FBH1: variants seen among roughly 807,000 people sequenced by gnomAD.
The protein encoded by FBH1 is F-box DNA helicase 1, also known as DNA 3'-5' helicase 1.
In FBH1, 43 loss-of-function variants were observed where a neutral mutation model predicts 115.5. The observed-to-expected ratio is 0.37, with a 90% CI of 0.29 to 0.48. The LOEUF is 0.48. Among genes scored for constraint, FBH1 ranks in the 20% least tolerant of loss-of-function variants. FBH1 has a pLI of 0.99. For synonymous variants in FBH1, 524 were observed against 507.8 expected (o/e 1.03, Z -0.43); for missense variants, 1,001 against 1,337.3 (o/e 0.75, Z 3.92).
intron 18 of FBH1, among the ~76,000 whole-genome samples, chr10:5,927,000 G>A (rs1832693683): frequency 6.6e-6 from 1 of 152,242 alleles, no homozygotes; most frequent in South Asian, 2.1e-4. Flanking sequence ...GACAGTGTAA[G>A]GAAATGGAAA....
chr10:5,894,128 C>T, intron 1 of FBH1: 1 of 985,400 alleles, frequency 1.0e-6, no homozygotes, highest in Non-Finnish European at 1.2e-6. Flanking sequence ...GAGAAGCAGG[C>T]TGTGGTAGCC....
chr10:5,927,672 C>T (rs1007381981), intron 19 of FBH1, 131 bp downstream of exon 19: 10 of 648,314 alleles, frequency 1.5e-5, no homozygotes, highest in Non-Finnish European at 2.4e-5. Flanking sequence ...GCTGCTTGAA[C>T]GTGCAAAGGC....
At chr10:5,899,296 T>C (rs1201321060) in intron 1 of FBH1, among the ~76,000 whole-genome samples, 1 of 152,146 alleles carries the variant, frequency 6.6e-6, no homozygotes, top group Non-Finnish European at 1.5e-5. Context: ...TGCTCCTTTG[T>C]GATTTTTTGT....
At chr10:5,920,253 G>A (rs1405999483) in intron 13 of FBH1, among the ~76,000 whole-genome samples, 2 of 152,248 alleles carry the variant, frequency 1.3e-5, no homozygotes, top group Admixed American at 1.3e-4. Flanking sequence ...CTGGGAGGAA[G>A]ACCACAGAGG....
chr10:5,910,139 G>C lies in FBH1; in HGVS notation c.1021-799G>C, dbSNP rs977407090. Among the ~76,000 whole-genome samples the C allele has an allele frequency of 6.6e-6, 1 of 152,032 alleles. No individual in the cohort carries two copies. Among genetic ancestry groups the C allele is most frequent in the African/African-American group, 2.4e-5 (1 of 41,378 alleles). On this transcript the variant is annotated intron_variant, in intron 5 of 20. Transcript: ENST00000362091. The surrounding 1 kb of genome is among the most constrained non-coding windows in gnomAD (Gnocchi z 4.8). ...TCTACCAAAAATACAAAAATTAGCC[G>C]AGCATGGTGGCATGTGCCTGTAGTA... is the stretch of plus-strand genomic sequence containing the variant.
intron 2 of FBH1, 67 bp downstream of exon 2, chr10:5,903,242 G>A (rs1371916258): frequency 4.7e-6 from 6 of 1,265,182 alleles, no homozygotes; most frequent in Non-Finnish European, 6.4e-6. Flanking sequence ...CTATCTCCTA[G>A]TTTAAAAGTA....
At position 5,932,682 on chromosome 10, in the gene FBH1, G is replaced by A. The variant is rs532252959; in HGVS notation, c.2830-3774G>A. On this transcript the variant is annotated intron_variant, in intron 19 of 20. Coordinates refer to ENST00000362091, the MANE Select transcript of FBH1 (RefSeq NM_178150.3). This position sits in a 1 kb window ranked among gnomAD's most constrained non-coding sequence, Gnocchi z 5.9. ...TGCATTTCTAGAAGTGGAATTGCTGGGTAAAGATAAATGCAAGTGTGACTT... is the reference window on the plus strand; with the variant it reads ...TGCATTTCTAGAAGTGGAATTGCTGAGTAAAGATAAATGCAAGTGTGACTT... 6.6e-6 allele frequency among the ~76,000 whole-genome samples: 1 copy of A among 152,224 alleles called. No homozygotes were observed. The highest frequency in any genetic ancestry group is 2.1e-4 in the South Asian group (1 of 4,818).
rs1403409717 is a variant in FBH1, at chr10:5,924,355, AAAG to A, written c.2447_2449del (p.Glu816del). 2 of 1,614,116 alleles carry A rather than the reference AAAG, an allele frequency of 1.2e-6. No individual in the cohort carries two copies. Among genetic ancestry groups the A allele is most frequent in the African/African-American group, 2.7e-5 (2 of 74,928 alleles). On this transcript the variant is annotated inframe_deletion, in exon 17 of 21. Coordinates refer to ENST00000362091, the MANE Select transcript of FBH1 (RefSeq NM_178150.3). This position sits in a 1 kb window ranked among gnomAD's most constrained non-coding sequence, Gnocchi z 6.2. ...CAAATTTATCAGAAGATGGGTGCAC[AAAG>A]AAGGCTTTAGTGGCTTCAAGAGGTA...
At position 5,925,231 on chromosome 10, in the gene FBH1, TC is replaced by T; in HGVS notation, c.2597-131del. 1 of 1,023,278 alleles carries T rather than the reference TC, an allele frequency of 9.8e-7. No homozygotes were observed. Among genetic ancestry groups the T allele is most frequent in the Admixed American group, 2.7e-5 (1 of 37,528 alleles). The allele number at this position is 1,023,278 out of a possible 1,614,324, so 63.4% of individuals were successfully genotyped here. On this transcript the variant is annotated intron_variant, in intron 17 of 20. Coordinates refer to ENST00000362091, the MANE Select transcript of FBH1 (RefSeq NM_178150.3). The surrounding 1 kb of genome is among the most constrained non-coding windows in gnomAD (Gnocchi z 4.6). ...CTGTTCCCGACAGTTGTTTCCTCTT[TC>T]CCCCTTTTCCTACAAAACTGCACTG...
At position 5,932,940 on chromosome 10, in the gene FBH1, T is replaced by C. The variant is rs1260035164; in HGVS notation, c.2830-3516T>C. 1.3e-5 allele frequency among the ~76,000 whole-genome samples: 2 copies of C among 152,048 alleles called. No homozygotes were observed. Among genetic ancestry groups the C allele is most frequent in the African/African-American group, 2.4e-5 (1 of 41,420 alleles). On this transcript the variant is annotated intron_variant, in intron 19 of 20. Transcript: ENST00000362091. The surrounding 1 kb of genome is among the most constrained non-coding windows in gnomAD (Gnocchi z 5.9). ...TCTGTTTCCCAGGCTGGTCTCAAAC[T>C]CATGAGCTCAAGTGATCTGCCCTGC...
In FBH1 at chr10:5,917,774, A is replaced by C. The variant is rs1166429382; in HGVS notation, c.1963+98A>C. 1 of 947,042 alleles carries C rather than the reference A, an allele frequency of 1.1e-6. No homozygotes were observed. The highest frequency in any genetic ancestry group is 1.6e-5 in the African/African-American group (1 of 61,252). The allele number at this position is 947,042 out of a possible 1,614,324, so 58.7% of individuals were successfully genotyped here. The stretch of plus-strand genomic sequence containing the variant: ...TGTGTGAACTAAGTTGATTATTATT[A>C]TTTGTGATAAAGAAGAGGATCTTCA... On this transcript the variant is annotated intron_variant, in intron 12 of 20. Transcript: ENST00000362091. This position sits in a 1 kb window ranked among gnomAD's most constrained non-coding sequence, Gnocchi z 5.6.
rs922778888 is a variant in FBH1 at position 5,923,103 on chromosome 10, G to C, written c.2323-518G>C. On this transcript the variant is annotated intron_variant, in intron 15 of 20. Coordinates refer to ENST00000362091, the MANE Select transcript of FBH1 (RefSeq NM_178150.3). The surrounding 1 kb of genome is among the most constrained non-coding windows in gnomAD (Gnocchi z 5.7). ...TCACCATGTTGGCCAGGCTGGTCTT[G>C]AACTCCTGGCCTCAAGTGATCCACC... is the stretch of plus-strand genomic sequence containing the variant. 6.6e-6 allele frequency among the ~76,000 whole-genome samples: 1 copy of C among 152,106 alleles called. No individual in the cohort carries two copies. Among genetic ancestry groups the C allele is most frequent in the Non-Finnish European group, 1.5e-5 (1 of 68,008 alleles).
Position 5,924,815 on chromosome 10 carries a change from C to T in FBH1, c.2596+307C>T. On this transcript the variant is annotated intron_variant, in intron 17 of 20. Coordinates refer to ENST00000362091, the MANE Select transcript of FBH1 (RefSeq NM_178150.3). This position sits in a 1 kb window ranked among gnomAD's most constrained non-coding sequence, Gnocchi z 6.2. Reference sequence around the variant, plus strand: ...TCCCAACCTCAGGTAATCTGCCCACCTCGACCTCCCAAAGTGCTAGAATTA... The same window carrying T: ...TCCCAACCTCAGGTAATCTGCCCACTTCGACCTCCCAAAGTGCTAGAATTA... 2.1e-6 allele frequency: 1 copy of T among 477,856 alleles called. No homozygotes were observed. The highest frequency in any genetic ancestry group is 1.6e-5 in the South Asian group (1 of 61,998). The allele number at this position is 477,856 out of a possible 1,614,324, so 29.6% of individuals were successfully genotyped here. A position where few individuals can be genotyped will look rare whatever the true frequency, so the allele number is the denominator to read the frequency against.
chr10:5,890,130 T>C (rs1842607992), upstream of FBH1: 1 of 324,606 alleles, frequency 3.1e-6, no homozygotes, highest in Non-Finnish European at 5.7e-6. Flanking sequence ...CCCTCCGGTC[T>C]CGCGTCCCGA....
rs1004665540 is a variant in FBH1 at position 5,913,005 on chromosome 10, G to A, written c.1212-742G>A. 2.0e-5 allele frequency among the ~76,000 whole-genome samples: 3 copies of A among 152,134 alleles called. No individual in the cohort carries two copies. The highest frequency in any genetic ancestry group is 2.9e-5 in the Non-Finnish European group (2 of 68,026). On this transcript the variant is annotated intron_variant, in intron 6 of 20. Coordinates refer to ENST00000362091, the MANE Select transcript of FBH1 (RefSeq NM_178150.3). The surrounding 1 kb of genome is among the most constrained non-coding windows in gnomAD (Gnocchi z 4.4). ...TTGGAGATGGGCTCTTTTCGCTCTG[G>A]GGATGGGGGGCAGTGCACTCGATTG...
chr10:5,908,177 A>G (rs917289723), intron 3 of FBH1, among the ~76,000 whole-genome samples: 2 of 152,036 alleles, frequency 1.3e-5, no homozygotes, highest in African/African-American at 4.8e-5. Context: ...GTTGTTTCCT[A>G]TATTTAGGAG....
At chr10:5,927,026 G>A (rs1177939879) in intron 18 of FBH1, among the ~76,000 whole-genome samples, 1 of 152,204 alleles carries the variant, frequency 6.6e-6, no homozygotes, top group African/African-American at 2.4e-5. Flanking sequence ...GAGCAGACTC[G>A]GTCCTGCTCC....
chr10:5,909,489 T>A lies in FBH1; in HGVS notation c.1020+195T>A. On this transcript the variant is annotated intron_variant, in intron 5 of 20. Coordinates refer to ENST00000362091, the MANE Select transcript of FBH1 (RefSeq NM_178150.3). This position sits in a 1 kb window ranked among gnomAD's most constrained non-coding sequence, Gnocchi z 4.4. Reference sequence around the variant, plus strand: ...GGCCATATAATTGTAGAGTCTTAGATGTAGATGAAATTTTAACAAATCATT... The same window carrying A: ...GGCCATATAATTGTAGAGTCTTAGAAGTAGATGAAATTTTAACAAATCATT... 1.8e-6 allele frequency: 1 copy of A among 565,482 alleles called. No homozygotes were observed. Among genetic ancestry groups the A allele is most frequent in the Non-Finnish European group, 2.9e-6 (1 of 344,244 alleles). 35.0% of individuals were successfully genotyped at this position (565,482 alleles called of 1,614,324 possible).
chr10:5,896,926 T>C (rs1005565543), intron 1 of FBH1, among the ~76,000 whole-genome samples: 2 of 152,170 alleles, frequency 1.3e-5, no homozygotes, highest in Non-Finnish European at 2.9e-5. Context: ...AGAAGTAGCA[T>C]TTGAGCATTC....
Sources: gnomAD v4.1 joint callset for allele counts (sites outside exome capture counted in the v4.1 genomes callset) on GRCh38, gnomAD v4.1.1 for gene constraint, Gnocchi (gnomAD v3.1) non-coding constraint, MANE v1.5 for transcripts, NCBI Gene and HGNC (gene_info 2026-07-23, HGNC 2026-07-21) for gene names.